Variants in EGLN1 observed in about 807,000 individuals in gnomAD.
EGLN1 encodes the protein egl nine homolog 1.
Under a neutral mutation model 38.3 loss-of-function variants are expected in EGLN1, and 17 were observed. The observed-to-expected ratio is 0.44, with a 90% CI of 0.30 to 0.67. The LOEUF (loss-of-function observed/expected upper bound fraction) is 0.67. EGLN1 is among the 30% of genes least tolerant of loss of function. EGLN1 has a pLI of 0.08. For synonymous variants in EGLN1, 283 were observed against 257.5 expected, an observed-to-expected ratio of 1.10 and a Z score of -0.95; for missense variants, 477 against 603.3, an observed-to-expected ratio of 0.79 and a Z score of 2.19.
chr1:231,396,946 C>G (rs1688544557), intron 1 of EGLN1, among the ~76,000 whole-genome samples: 1 of 152,306 alleles, frequency 6.6e-6, no homozygotes. Context: ...CCTCCAATAC[C>G]TACATCTTAA....
chr1:231,394,037 CCTT>C (rs1688457116), intron 1 of EGLN1, among the ~76,000 whole-genome samples: 1 of 152,168 alleles, frequency 6.6e-6, no homozygotes, highest in Non-Finnish European at 1.5e-5. Flanking sequence ...GAACTCCAAT[CCTT>C]CTACTCCTTT....
intron 1 of EGLN1, among the ~76,000 whole-genome samples, chr1:231,398,017 T>C (rs1328595054): frequency 1.3e-5 from 2 of 152,212 alleles, no homozygotes; most frequent in African/African-American, 4.8e-5. Context: ...ATGCACCTAG[T>C]AGCATCTAAG....
chr1:231,370,371 T>C (rs1437112859), intron 3 of EGLN1, among the ~76,000 whole-genome samples, 191 bp downstream of exon 3: 2 of 152,228 alleles, frequency 1.3e-5, no homozygotes, highest in Non-Finnish European at 2.9e-5. Context: ...TACTAACTGT[T>C]AATGAGTCTT....
intron 1 of EGLN1, among the ~76,000 whole-genome samples, chr1:231,408,072 A>C (rs1048219441): frequency 6.6e-6 from 1 of 152,184 alleles, no homozygotes. Flanking sequence ...CGAAGACAGA[A>C]TAGTATAAAA....
intron 2 of EGLN1, among the ~76,000 whole-genome samples, chr1:231,372,892 T>C (rs2102897017): frequency 6.6e-6 from 1 of 152,262 alleles, no homozygotes; most frequent in East Asian, 1.9e-4. Context: ...AGAGGTTTTT[T>C]AAAGGTTATT....
At chr1:231,394,439 C>T (rs1009801979) in intron 1 of EGLN1, among the ~76,000 whole-genome samples, 100 of 148,166 alleles carry the variant, frequency 6.7e-4, no homozygotes, top group African/African-American at 2.1e-3. Flanking sequence ...AGTGCAGTGG[C>T]GCAATCTCGG....
chr1:231,378,494 C>T (rs369766370), intron 1 of EGLN1, among the ~76,000 whole-genome samples: 1 of 152,150 alleles, frequency 6.6e-6, no homozygotes, highest in African/African-American at 2.4e-5. Context: ...CAAGGTCTCA[C>T]GACGTTGCCC....
intron 1 of EGLN1, among the ~76,000 whole-genome samples, chr1:231,417,958 T>C (rs1392676914): frequency 1.3e-5 from 2 of 152,176 alleles, no homozygotes; most frequent in African/African-American, 4.8e-5. Flanking sequence ...GCTGCAGAAT[T>C]TCCAACAAGT....
chr1:231,386,059 G>T (rs1000608095), intron 1 of EGLN1, among the ~76,000 whole-genome samples: 1 of 151,268 alleles, frequency 6.6e-6, no homozygotes, highest in African/African-American at 2.4e-5. Context: ...CAAGTGATCT[G>T]CCTGCCTTGG....
chr1:231,396,549 G>A (rs1186052652), intron 1 of EGLN1, among the ~76,000 whole-genome samples: 1 of 152,056 alleles, frequency 6.6e-6, no homozygotes, highest in Non-Finnish European at 1.5e-5. Flanking sequence ...ACCGAGCCCG[G>A]CCCCTCATTG....
chr1:231,386,036 G>C (rs1688196334), intron 1 of EGLN1, among the ~76,000 whole-genome samples: 1 of 151,566 alleles, frequency 6.6e-6, no homozygotes, highest in African/African-American at 2.4e-5. Flanking sequence ...AGCTGGCCTC[G>C]GACTTCTGGA....
intron 1 of EGLN1, among the ~76,000 whole-genome samples, chr1:231,400,143 T>C (rs1267164768): frequency 6.6e-6 from 1 of 152,098 alleles, no homozygotes; most frequent in Non-Finnish European, 1.5e-5. Context: ...TATATAAGAC[T>C]TAATAAATGT....
chr1:231,418,291 C>T (rs1012983096), intron 1 of EGLN1, among the ~76,000 whole-genome samples: 1 of 152,182 alleles, frequency 6.6e-6, no homozygotes, highest in Non-Finnish European at 1.5e-5. Context: ...ACAGCCCAAC[C>T]ATAGAGTATG....
chr1:231,368,398 A>T (rs898101970), intron 3 of EGLN1, among the ~76,000 whole-genome samples: 1 of 152,232 alleles, frequency 6.6e-6, no homozygotes. Flanking sequence ...TTGACAGTTA[A>T]ATTATGCTAA....
intron 1 of EGLN1, among the ~76,000 whole-genome samples, chr1:231,417,816 C>A (rs948113425): frequency 2.6e-5 from 4 of 152,174 alleles, no homozygotes; most frequent in African/African-American, 9.7e-5. Flanking sequence ...AAAGCCTACA[C>A]TGAATGGGCC....
intron 1 of EGLN1, among the ~76,000 whole-genome samples, chr1:231,394,173 A>G (rs1463973790): frequency 1.3e-5 from 2 of 152,144 alleles, no homozygotes; most frequent in African/African-American, 4.8e-5. Flanking sequence ...AATTTATTGC[A>G]GTTCCCACAC....
chr1:231,415,291 G>A lies in EGLN1; in HGVS notation c.891+5707C>T, dbSNP rs557463663. On this transcript the variant is annotated intron_variant, in intron 1 of 4. Coordinates refer to ENST00000366641, the MANE Select transcript of EGLN1 (RefSeq NM_022051.3). ...CCTTTAAAAAAAAAAAAAAAAAAGC[G>A]TAAAATATGCCAAAATTAGTTAAGT... Among the ~76,000 whole-genome samples, 9 of 147,362 alleles carry A rather than the reference G, an allele frequency of 6.1e-5. No individual in the cohort carries two copies. The South Asian group carries it at 1.1e-3, about 17-fold the overall frequency.
chr1:231,371,467 AG>A (rs1320531857), intron 2 of EGLN1, among the ~76,000 whole-genome samples: 1 of 152,232 alleles, frequency 6.6e-6, no homozygotes, highest in Non-Finnish European at 1.5e-5. Context: ...GTATATCAGT[AG>A]AAAGTGTCAT....
intron 1 of EGLN1, among the ~76,000 whole-genome samples, chr1:231,386,668 C>T (rs765949908): frequency 3.9e-5 from 6 of 152,156 alleles, no homozygotes; most frequent in Non-Finnish European, 7.3e-5. Flanking sequence ...TCTTGTACTC[C>T]TAGTGCCAAA....
Sources: gnomAD v4.1 joint callset for allele counts (sites outside exome capture counted in the v4.1 genomes callset) on GRCh38, gnomAD v4.1.1 for gene constraint, MANE v1.5 for transcripts, NCBI Gene and HGNC (gene_info 2026-07-23, HGNC 2026-07-21) for gene names.